Variants in CAMTA1 observed in about 807,000 individuals in gnomAD.
The protein encoded by CAMTA1 is calmodulin binding transcription activator 1.
A neutral mutation model predicts 170.9 loss-of-function variants in CAMTA1; 27 were observed. That is an observed-to-expected ratio of 0.16 (90% CI 0.12 to 0.22). CAMTA1 has a LOEUF of 0.22. CAMTA1 is among the 10% of genes least tolerant of loss of function. CAMTA1 has a pLI of 1.00. For synonymous variants in CAMTA1, 833 were observed against 891.5 expected, an observed-to-expected ratio of 0.93 and a Z score of 1.17; for missense variants, 1,619 against 2,217.2, an observed-to-expected ratio of 0.73 and a Z score of 5.42.
rs143161178 is a variant in CAMTA1, at chr1:7,217,679, T to C, written c.303-31812T>C. On this transcript the variant is annotated intron_variant, in intron 4 of 22. Coordinates refer to ENST00000303635, the MANE Select transcript of CAMTA1 (RefSeq NM_015215.4). Reference sequence around the variant, plus strand: ...AGTCTAATGGGTACCTTTGTACTCATTACCTTTAAAAATCCCTTTAGTCTC... The same window carrying C: ...AGTCTAATGGGTACCTTTGTACTCACTACCTTTAAAAATCCCTTTAGTCTC... 3.0e-3 allele frequency among the ~76,000 whole-genome samples: 452 copies of C among 152,222 alleles called. 2 individuals are homozygous for C. The highest frequency in any genetic ancestry group is 0.01 in the African/African-American group (431 of 41,566).
chr1:6,995,740 C>G (rs1697157856), intron 3 of CAMTA1, among the ~76,000 whole-genome samples: 1 of 152,148 alleles, frequency 6.6e-6, no homozygotes, highest in African/African-American at 2.4e-5. Context: ...GGGGTACTGC[C>G]TGCTACGGGG....
At chr1:6,839,194 A>C (rs1654636105) in intron 3 of CAMTA1, among the ~76,000 whole-genome samples, 1 of 151,990 alleles carries the variant, frequency 6.6e-6, no homozygotes, top group African/African-American at 2.4e-5. Flanking sequence ...CATCCTGGCT[A>C]ACATGGTGAA....
chr1:7,664,317 C>T lies in CAMTA1; in HGVS notation c.1770C>T (p.Asp590=). 2 of 1,613,402 alleles carry T rather than the reference C, an allele frequency of 1.2e-6. No individual in the cohort carries two copies. The highest frequency in any genetic ancestry group is 8.5e-7 in the Non-Finnish European group (1 of 1,180,020). Residue 590 remains aspartate (D), a synonymous_variant, in exon 9 of 23, where the codon GAC becomes GAT. Transcript: ENST00000303635. ...TLEQMDFSAI[D]SNKDYTSSFS... ...AGCAGATGGACTTCAGCGCCATCGA[C>T]TCCAACAAGGACTACACGTCCAGCT...
chr1:6,851,606 C>T (rs755834912), intron 3 of CAMTA1, among the ~76,000 whole-genome samples: 8 of 152,130 alleles, frequency 5.3e-5, no homozygotes, highest in African/African-American at 7.2e-5. Flanking sequence ...AGGCCAGGTG[C>T]GGTGGCTCAC....
intron 3 of CAMTA1, among the ~76,000 whole-genome samples, chr1:6,943,595 T>C (rs1687067529): frequency 6.6e-6 from 1 of 152,036 alleles, no homozygotes. Flanking sequence ...ACACCTGTAA[T>C]CCCAGCACTT....
At chr1:7,710,949 C>T (rs1410029099) in intron 11 of CAMTA1, among the ~76,000 whole-genome samples, 1 of 152,170 alleles carries the variant, frequency 6.6e-6, no homozygotes, top group Non-Finnish European at 1.5e-5. Flanking sequence ...ACATGGTCCT[C>T]TCATTCATAA....
intron 19 of CAMTA1, chr1:7,750,913 C>A (rs2096891979): frequency 3.7e-6 from 2 of 543,028 alleles, no homozygotes; most frequent in South Asian, 1.7e-5. Context: ...TCATAAACGT[C>A]TAAGGGTATT....
Position 7,600,119 on chromosome 1 carries a change from A to G in CAMTA1, c.511-40281A>G, listed in dbSNP as rs551899058. On this transcript the variant is annotated intron_variant, in intron 6 of 22. Coordinates refer to ENST00000303635, the MANE Select transcript of CAMTA1 (RefSeq NM_015215.4). ...TATGATTTTGAGATACGTCCCATCA[A>G]TACCTAATTTATTGAGAGTTTTCAG... 1.1e-4 allele frequency among the ~76,000 whole-genome samples: 16 copies of G among 152,264 alleles called. 1 individual carries two copies. The highest frequency in any genetic ancestry group is 6.8e-3 in the Middle Eastern group (2 of 294).
intron 11 of CAMTA1, among the ~76,000 whole-genome samples, chr1:7,690,736 C>T (rs1279690354): frequency 6.6e-6 from 1 of 152,230 alleles, no homozygotes; most frequent in Admixed American, 6.5e-5. Flanking sequence ...TCCGGCAACC[C>T]GTGAGGCCCC....
rs779848171 is a variant in CAMTA1, at chr1:7,634,416, C to T, written c.511-5984C>T. On this transcript the variant is annotated intron_variant, in intron 6 of 22. Coordinates refer to ENST00000303635, the MANE Select transcript of CAMTA1 (RefSeq NM_015215.4). This position sits in a 1 kb window ranked among gnomAD's most constrained non-coding sequence, Gnocchi z 6.2. ...TGAGCAGGAGGTCGGGAGGCGAGGT[C>T]GGCCATGGGAAGTCATGGGGATTTT... 4.6e-5 allele frequency among the ~76,000 whole-genome samples: 7 copies of T among 151,900 alleles called. No homozygotes were observed. In the East Asian group the frequency reaches 7.8e-4, roughly 17 times the overall value.
chr1:7,017,817 C>T (rs976562500), intron 3 of CAMTA1, among the ~76,000 whole-genome samples: 6 of 152,180 alleles, frequency 3.9e-5, no homozygotes, highest in South Asian at 2.1e-4. Context: ...ACACGGTTCA[C>T]GTTGCCCCCA....
intron 11 of CAMTA1, among the ~76,000 whole-genome samples, chr1:7,721,393 G>T (rs2096648567): frequency 1.3e-5 from 2 of 152,160 alleles, no homozygotes; most frequent in Non-Finnish European, 2.9e-5. Context: ...TCATTTTGAG[G>T]ATTAGACATA....
At chr1:6,847,335 A>G (rs1658589234) in intron 3 of CAMTA1, among the ~76,000 whole-genome samples, 1 of 152,144 alleles carries the variant, frequency 6.6e-6, no homozygotes, top group Admixed American at 6.5e-5. Context: ...ATCAGCAAGA[A>G]AACTTTCTGG....
At chr1:6,884,226 C>T (rs1289595299) in intron 3 of CAMTA1, among the ~76,000 whole-genome samples, 1 of 151,256 alleles carries the variant, frequency 6.6e-6, no homozygotes, top group Non-Finnish European at 1.5e-5. Context: ...TGGTAGAGGT[C>T]ATGTGCTTCG....
chr1:7,014,394 AC>A lies in CAMTA1; in HGVS notation c.235-76908del, dbSNP rs1351543227. On this transcript the variant is annotated intron_variant, in intron 3 of 22. Transcript: ENST00000303635. The surrounding 1 kb of genome is among the most constrained non-coding windows in gnomAD (Gnocchi z 4.2). Reference sequence around the variant, plus strand: ...CCTGAGGGGGTTGGAGAGTTGGTCAACCGTGAACAAGCTGGAGACTGGCTCC... The same window carrying A: ...CCTGAGGGGGTTGGAGAGTTGGTCAACGTGAACAAGCTGGAGACTGGCTCC... The A allele has an allele frequency of 6.6e-6, 1 of 152,312 alleles. No individual in the cohort carries two copies. Among genetic ancestry groups the A allele is most frequent in the Non-Finnish European group, 1.5e-5 (1 of 68,146 alleles). The allele number at this position is 152,312 out of a possible 1,614,324, so 9.4% of individuals were successfully genotyped here.
At chr1:7,757,264 C>G (rs995310863) in intron 22 of CAMTA1, among the ~76,000 whole-genome samples, 13 of 152,110 alleles carry the variant, frequency 8.5e-5, no homozygotes, top group African/African-American at 3.1e-4. Flanking sequence ...TATGGTCTGT[C>G]CCAACTACTC....
intron 7 of CAMTA1, among the ~76,000 whole-genome samples, chr1:7,656,709 A>C (rs1576644105): frequency 1.3e-5 from 2 of 152,290 alleles, no homozygotes; most frequent in South Asian, 4.1e-4. Flanking sequence ...TGAAGCCCCC[A>C]CGCCTTCCCC....
intron 5 of CAMTA1, among the ~76,000 whole-genome samples, chr1:7,291,744 C>T (rs1176258454): frequency 1.3e-5 from 2 of 152,252 alleles, no homozygotes; most frequent in East Asian, 1.9e-4. Context: ...GGCAGCCAGC[C>T]TGGCTCCACT....
Position 6,915,171 on chromosome 1 carries a change from T to G in CAMTA1, c.234+89961T>G, listed in dbSNP as rs74937642. On this transcript the variant is annotated intron_variant, in intron 3 of 22. Transcript: ENST00000303635. Reference sequence around the variant, plus strand: ...GCTTTTAAAATCCAGACACTTTGGATTCCTCTACTTTGTCAGGCAAAAGTG... The same window carrying G: ...GCTTTTAAAATCCAGACACTTTGGAGTCCTCTACTTTGTCAGGCAAAAGTG... Among the ~76,000 whole-genome samples the G allele has an allele frequency of 6.4e-3, 981 of 152,340 alleles. 12 individuals carry two copies. Among genetic ancestry groups the G allele is most frequent in the African/African-American group, 0.022 (925 of 41,578 alleles).
Sources: gnomAD v4.1 joint callset for allele counts (sites outside exome capture counted in the v4.1 genomes callset) on GRCh38, gnomAD v4.1.1 for gene constraint, Gnocchi (gnomAD v3.1) non-coding constraint, MANE v1.5 for transcripts, NCBI Gene and HGNC (gene_info 2026-07-23, HGNC 2026-07-21) for gene names.